The following FAM193A variants were observed in gnomAD, a reference collection of about 807,000 sequenced individuals.
The protein encoded by FAM193A is protein FAM193A.
In FAM193A, 22 loss-of-function variants were observed where a neutral mutation model predicts 126.5. That is an observed-to-expected ratio of 0.17 (90% confidence interval 0.12 to 0.25). FAM193A has a LOEUF of 0.25. Ranked by LOEUF, FAM193A falls within the 10% of genes least tolerant of loss-of-function variation. The probability of loss-of-function intolerance (pLI) is 1.00; values close to 1 mark genes in which losing one functional copy is unlikely to be tolerated. For missense variants in FAM193A, 1,675 were observed against 1,672.8 expected (o/e 1.00, Z -0.02); for synonymous variants, 761 against 646.8 (o/e 1.18, Z -2.68).
chr4:2,539,865 G>A (rs974717923), intron 1 of FAM193A, among the ~76,000 whole-genome samples: 6 of 152,214 alleles, frequency 3.9e-5, no homozygotes, highest in African/African-American at 1.4e-4. Context: ...TCGGGAGGCC[G>A]AGGTGGGTGG....
intron 12 of FAM193A, among the ~76,000 whole-genome samples, chr4:2,664,558 C>CTTTTTTTTTTTTTTTTTTTTT (rs33958851): frequency 5.5e-5 from 4 of 73,074 alleles, no homozygotes; most frequent in Non-Finnish European, 1.0e-4. Context: ...TATTTTCTTT[C>CTTTTTTTTTTTTTTTTTTTTT]TTTTTTTTTT....
At chr4:2,665,152 T>C (rs1419285789) in intron 12 of FAM193A, among the ~76,000 whole-genome samples, 1 of 152,196 alleles carries the variant, frequency 6.6e-6, no homozygotes, top group African/African-American at 2.4e-5. Context: ...TCTTTAATTT[T>C]TCTCAGTAGT....
At chr4:2,646,859 C>T (rs1745200058) in intron 7 of FAM193A, 27 bp downstream of exon 7, 1 of 1,594,700 alleles carries the variant, frequency 6.3e-7, no homozygotes, top group African/African-American at 1.3e-5. Flanking sequence ...ACCACCGCAC[C>T]CCGCGCACAT....
At chr4:2,644,707 A>G (rs901160042) in intron 6 of FAM193A, among the ~76,000 whole-genome samples, 24 of 152,166 alleles carry the variant, frequency 1.6e-4, no homozygotes, top group African/African-American at 5.8e-4. Flanking sequence ...AGATGGCTTC[A>G]GTAGCTGCAA....
chr4:2,590,502 A>ACC (rs769329655), intron 1 of FAM193A, among the ~76,000 whole-genome samples: 1 of 83,690 alleles, frequency 1.2e-5, no homozygotes, highest in Admixed American at 9.5e-5. Flanking sequence ...AAAACAAAAA[A>ACC]AAACAAAAAA....
chr4:2,589,249 A>G (rs1322980400), intron 1 of FAM193A, among the ~76,000 whole-genome samples: 2 of 152,228 alleles, frequency 1.3e-5, no homozygotes, highest in Non-Finnish European at 2.9e-5. Flanking sequence ...AGCAAATACC[A>G]CTATGCCTTC....
chr4:2,721,030 T>C (rs570232174), intron 20 of FAM193A, among the ~76,000 whole-genome samples: 1 of 152,048 alleles, frequency 6.6e-6, no homozygotes, highest in Admixed American at 6.6e-5. Flanking sequence ...TAGCCAGGCG[T>C]GGGCCGGGCG....
intron 4 of FAM193A, among the ~76,000 whole-genome samples, chr4:2,628,779 G>A (rs1743232905): frequency 6.6e-6 from 1 of 152,014 alleles, no homozygotes; most frequent in Non-Finnish European, 1.5e-5. Context: ...TAGTTGATGT[G>A]CCCGCATCTG....
At chr4:2,586,099 CAG>C (rs1740219054) in intron 1 of FAM193A, among the ~76,000 whole-genome samples, 1 of 151,728 alleles carries the variant, frequency 6.6e-6, no homozygotes, top group Admixed American at 6.6e-5. Context: ...CAAAATTAGC[CAG>C]GCGTGGTGGT....
At chr4:2,619,224 T>C (rs192935590) in intron 2 of FAM193A, among the ~76,000 whole-genome samples, 1 of 152,336 alleles carries the variant, frequency 6.6e-6, no homozygotes, top group East Asian at 1.9e-4. Context: ...CTTGAACATA[T>C]GGAGTTTCTT....
chr4:2,667,924 G>GACA (rs1042971023), intron 12 of FAM193A, among the ~76,000 whole-genome samples: 1 of 151,924 alleles, frequency 6.6e-6, no homozygotes, highest in Non-Finnish European at 1.5e-5. Context: ...TTTTCTTAGA[G>GACA]ACAGGGTCTT....
chr4:2,584,115 A>G (rs951392820), intron 1 of FAM193A, among the ~76,000 whole-genome samples: 8 of 152,152 alleles, frequency 5.3e-5, no homozygotes, highest in Non-Finnish European at 1.2e-4. Flanking sequence ...TCTGTGATCT[A>G]TTTCAACTTA....
intron 1 of FAM193A, among the ~76,000 whole-genome samples, chr4:2,582,044 C>T (rs1289131101): frequency 6.6e-6 from 1 of 152,068 alleles, no homozygotes; most frequent in Admixed American, 6.5e-5. Context: ...AGAAATTACT[C>T]TCTTCTGGTT....
chr4:2,599,038 C>T (rs952011948), intron 2 of FAM193A, among the ~76,000 whole-genome samples: 3 of 152,150 alleles, frequency 2.0e-5, no homozygotes, highest in Admixed American at 6.6e-5. Context: ...GTGTGGCACA[C>T]GCCTTTCTCC....
chr4:2,719,419 C>G (rs1360957075), intron 20 of FAM193A, among the ~76,000 whole-genome samples: 1 of 152,134 alleles, frequency 6.6e-6, no homozygotes, highest in Non-Finnish European at 1.5e-5. Flanking sequence ...ATTGGTTTAT[C>G]CCAGGAACGC....
At chr4:2,639,437 G>A (rs1415830813) in intron 5 of FAM193A, among the ~76,000 whole-genome samples, 2 of 152,144 alleles carry the variant, frequency 1.3e-5, no homozygotes, top group African/African-American at 4.8e-5. Context: ...CAAACGTGCA[G>A]TTACTGCTTT....
intron 12 of FAM193A, among the ~76,000 whole-genome samples, chr4:2,671,434 G>T (rs918365375): frequency 3.9e-5 from 6 of 152,194 alleles, no homozygotes; most frequent in Non-Finnish European, 7.3e-5. Context: ...GGTTTGCGCT[G>T]ACATCCCTGC....
chr4:2,710,007 T>A (rs1718731617), intron 19 of FAM193A, among the ~76,000 whole-genome samples: 1 of 152,200 alleles, frequency 6.6e-6, no homozygotes, highest in Admixed American at 6.5e-5. Context: ...CTAGTCATAG[T>A]TTTAAATTTC....
At chr4:2,580,333 G>A (rs1739848759) in intron 1 of FAM193A, among the ~76,000 whole-genome samples, 1 of 152,192 alleles carries the variant, frequency 6.6e-6, no homozygotes, top group Admixed American at 6.5e-5. Context: ...ATCAAAGGGT[G>A]GAGGGTGGGA....
Sources: allele counts gnomAD v4.1 joint callset (sites outside exome capture counted in the v4.1 genomes callset), GRCh38; gene constraint gnomAD v4.1.1; transcripts MANE v1.5; gene names NCBI Gene and HGNC (gene_info 2026-07-23, HGNC 2026-07-21).